The following KARS1 variants were observed in gnomAD, a reference collection of about 807,000 sequenced individuals.
KARS1 encodes the protein lysyl-tRNA synthetase 1.
Under a neutral mutation model 63.9 loss-of-function variants are expected in KARS1, and 50 were observed. That is an observed-to-expected ratio of 0.78 (90% CI 0.62 to 0.99). The LOEUF is 0.99. Ranked by LOEUF, KARS1 falls within the 50% of genes least tolerant of loss-of-function variation. The pLI is 0.00. For missense variants in KARS1, 816 were observed against 754.5 expected, an observed-to-expected ratio of 1.08 and a Z score of -0.95; for synonymous variants, 320 against 264.6, an observed-to-expected ratio of 1.21 and a Z score of -2.03.
At chr16:75,633,478 GA>G in intron 7 of KARS1, among the ~76,000 whole-genome samples, 1 of 150,812 alleles carries the variant, frequency 6.6e-6, no homozygotes, top group South Asian at 2.1e-4. Flanking sequence ...ATTTACCTGG[GA>G]ATTTGACAAG....
chr16:75,637,821 C>G (rs903905486), intron 3 of KARS1, among the ~76,000 whole-genome samples: 2 of 148,306 alleles, frequency 1.3e-5, no homozygotes, highest in Non-Finnish European at 3.0e-5. Context: ...AGGAGTAGAG[C>G]CCACAGAAAC....
chr16:75,644,586 A>G, intron 1 of KARS1: 1 of 602,238 alleles, frequency 1.7e-6, no homozygotes. Context: ...ATTTAACTTA[A>G]GACTGTCTTA....
chr16:75,628,796 G>A (rs2082079301), intron 12 of KARS1, 84 bp from the exon 13 acceptor site: 2 of 1,419,224 alleles, frequency 1.4e-6, no homozygotes, highest in African/African-American at 1.4e-5. Context: ...GCTCCGAGGT[G>A]GGAGTACCAT....
chr16:75,638,958 A>G lies in KARS1; in HGVS notation c.388+1226T>C, dbSNP rs530195406. Among the ~76,000 whole-genome samples the G allele has an allele frequency of 3.3e-4, 50 of 152,204 alleles. 1 individual carries two copies. Among genetic ancestry groups the G allele is most frequent in the African/African-American group, 1.2e-3 (49 of 41,538 alleles). On this transcript the variant is annotated intron_variant, in intron 3 of 13. Transcript: ENST00000302445. ...CGTGGCAGGTGGATCACCTGAGGTC[A>G]GGAGTTCAAGACCAGCCTGGCCAAC...
chr16:75,634,152 G>C (rs765929610), intron 7 of KARS1, 21 bp downstream of exon 7: 3 of 1,612,370 alleles, frequency 1.9e-6, no homozygotes, highest in South Asian at 2.2e-5. Flanking sequence ...TAAGGGAAAA[G>C]GGTGTACTAT....
Position 75,631,502 on chromosome 16 carries a change from G to A in KARS1, c.1166C>T (p.Pro389Leu). ...TACCATGTTGATTCGCCGGAAGGGT[G>A]GGGTGAAGTCAACATCGTAGGCTTG... The part of the protein sequence containing the change: ...EGQAYDVDFT[P>L]PFRRINMVEE... The change falls in exon 9 of 14, where the codon CCA becomes CTA. Residue 389 changes from proline to leucine, a missense_variant. By Grantham distance (98) the Pro-to-Leu change is moderately conservative. Coordinates refer to ENST00000302445, the MANE Select transcript of KARS1 (RefSeq NM_005548.3). 1 of 1,614,120 alleles carries A rather than the reference G, an allele frequency of 6.2e-7. No individual in the cohort carries two copies. Among genetic ancestry groups the A allele is most frequent in the Non-Finnish European group, 8.5e-7 (1 of 1,179,968 alleles).
At chr16:75,629,282 T>C in intron 12 of KARS1, 133 bp downstream of exon 12, 1 of 1,072,966 alleles carries the variant, frequency 9.3e-7, no homozygotes, top group Non-Finnish European at 1.4e-6. Flanking sequence ...GAAATGTGAC[T>C]CCTCCAGCAA....
chr16:75,634,105 C>A (rs769847503), intron 7 of KARS1, 68 bp downstream of exon 7: 1 of 1,527,620 alleles, frequency 6.5e-7, no homozygotes, highest in Non-Finnish European at 9.1e-7. Context: ...TCTGACTATA[C>A]CCATCTAGCC....
In KARS1 at chr16:75,628,698, A is replaced by C; in HGVS notation, c.1566T>G (p.Gly522=). The change falls in exon 13 of 14, where the codon GGT becomes GGG. Residue 522 remains glycine (G), a synonymous_variant. Coordinates refer to ENST00000302445, the MANE Select transcript of KARS1 (RefSeq NM_005548.3). The part of the protein sequence containing the change: ...FEEQAKAKAA[G]DDEAMFIDEN... ...CATCTATGAACATGGCCTCATCATCACCTGCAGCCTTGGCCTAGAAGAGGA... is the reference window on the plus strand; with the variant it reads ...CATCTATGAACATGGCCTCATCATCCCCTGCAGCCTTGGCCTAGAAGAGGA... The C allele has an allele frequency of 1.9e-6, 3 of 1,614,160 alleles. No homozygotes were observed. Among genetic ancestry groups the C allele is most frequent in the Middle Eastern group, 1.7e-4 (1 of 6,060 alleles).
intron 6 of KARS1, chr16:75,635,339 A>G: frequency 3.1e-6 from 1 of 326,252 alleles, no homozygotes; most frequent in Non-Finnish European, 6.0e-6. Flanking sequence ...CTTCTATTTA[A>G]TTTATTGTTT....
At chr16:75,634,588 T>A (rs191568136) in intron 6 of KARS1, among the ~76,000 whole-genome samples, 1 of 152,352 alleles carries the variant, frequency 6.6e-6, no homozygotes, top group African/African-American at 2.4e-5. Flanking sequence ...TTATTTAATT[T>A]TTTTTAAGAC....
At chr16:75,628,913 A>T in intron 12 of KARS1, 2 of 636,464 alleles carry the variant, frequency 3.1e-6, no homozygotes, top group South Asian at 3.6e-5. Context: ...GACTGATGAA[A>T]TCGACCTCAG....
intron 7 of KARS1, among the ~76,000 whole-genome samples, chr16:75,633,758 C>T (rs1402898315): frequency 6.6e-6 from 1 of 152,224 alleles, no homozygotes; most frequent in East Asian, 1.9e-4. Context: ...CTCAAGTGAT[C>T]CATCCGCCTT....
At position 75,641,732 on chromosome 16, in the gene KARS1, A is replaced by AAGG. The variant is rs769019438; in HGVS notation, c.63-10_63-9insCCT. ...GGCGTCTCTTCAGCTCACTGTTGGA[A>AAGG]AGATGAAAGCGTTCAATGTGTTAGC... On this transcript the variant is annotated splice_polypyrimidine_tract_variant and intron_variant, in intron 1 of 13. Coordinates refer to ENST00000302445, the MANE Select transcript of KARS1 (RefSeq NM_005548.3). 1.2e-6 allele frequency: 2 copies of AAGG among 1,613,396 alleles called. No individual in the cohort carries two copies. The highest frequency in any genetic ancestry group is 1.7e-6 in the Non-Finnish European group (2 of 1,179,996).
At chr16:75,636,661 T>C in intron 3 of KARS1, 114 bp from the exon 4 acceptor site, 2 of 669,280 alleles carry the variant, frequency 3.0e-6, no homozygotes, top group East Asian at 5.6e-5. Flanking sequence ...TGGGACAGAG[T>C]CTTGCTCTGT....
intron 2 of KARS1, among the ~76,000 whole-genome samples, chr16:75,640,729 C>A (rs1316236819): frequency 6.6e-6 from 1 of 152,210 alleles, no homozygotes; most frequent in Non-Finnish European, 1.5e-5. Context: ...TCTGGCGACA[C>A]ATCAGACTTT....
At chr16:75,643,363 G>C (rs1487726340) in intron 1 of KARS1, among the ~76,000 whole-genome samples, 1 of 150,870 alleles carries the variant, frequency 6.6e-6, no homozygotes, top group Non-Finnish European at 1.5e-5. Flanking sequence ...ATGAATTGAG[G>C]TTTTGAATCT....
At chr16:75,634,039 CACCTG>C in intron 7 of KARS1, 129 bp downstream of exon 7, 2 of 922,456 alleles carry the variant, frequency 2.2e-6, no homozygotes, top group Non-Finnish European at 3.5e-6. Flanking sequence ...CACATCCACA[CACCTG>C]ACCCATCAGA....
chr16:75,631,471 C>G lies in KARS1; in HGVS notation c.1197G>C (p.Glu399Asp). 6.2e-7 allele frequency: 1 copy of G among 1,614,192 alleles called. No individual in the cohort carries two copies. The highest frequency in any genetic ancestry group is 8.5e-7 in the Non-Finnish European group (1 of 1,180,034). Residue 399 changes from glutamate (E) to aspartate (D), a missense_variant, in exon 9 of 14, where the codon GAG becomes GAC. By Grantham distance (45) the Glu-to-Asp change is conservative. Coordinates refer to ENST00000302445, the MANE Select transcript of KARS1 (RefSeq NM_005548.3). ...PPFRRINMVE[E>D]LEKALGMKLP... is the part of the protein sequence containing the mutation. ...GCTTCATCCCCAGGGCTTTCTCAAGCTCTTCTACCATGTTGATTCGCCGGA... is the reference window on the plus strand; with the variant it reads ...GCTTCATCCCCAGGGCTTTCTCAAGGTCTTCTACCATGTTGATTCGCCGGA...
Sources: allele counts gnomAD v4.1 joint callset (sites outside exome capture counted in the v4.1 genomes callset), GRCh38; gene constraint gnomAD v4.1.1; transcripts MANE v1.5; gene names NCBI Gene and HGNC (gene_info 2026-07-23, HGNC 2026-07-21).